The following NAV2 variants were observed in gnomAD, a reference collection of about 807,000 sequenced individuals.
NAV2 encodes helicase, APC down-regulated 1.
A neutral mutation model predicts 223.2 loss-of-function variants in NAV2; 54 were observed. That is an observed-to-expected ratio of 0.24 (90% CI 0.19 to 0.30). The LOEUF is 0.30. Among genes scored for constraint, NAV2 ranks in the 10% least tolerant of loss-of-function variants. The pLI is 1.00. For synonymous variants in NAV2, 1,279 were observed against 1,239.3 expected (o/e 1.03, Z -0.67); for missense variants, 2,806 against 3,147.5 (o/e 0.89, Z 2.60).
chr11:19,703,484 C>T (rs1361684157), intron 1 of NAV2, among the ~76,000 whole-genome samples: 2 of 152,204 alleles, frequency 1.3e-5, no homozygotes, highest in African/African-American at 4.8e-5. Flanking sequence ...CCTGGTGGCC[C>T]TGCAGGAGCA....
intron 1 of NAV2, among the ~76,000 whole-genome samples, chr11:19,689,900 A>G (rs1213101519): frequency 6.6e-6 from 1 of 152,236 alleles, no homozygotes; most frequent in East Asian, 1.9e-4. Context: ...TATGAGAATC[A>G]AACAAATGCT....
At chr11:19,641,419 G>A (rs773624252) in intron 1 of NAV2, among the ~76,000 whole-genome samples, 1 of 152,004 alleles carries the variant, frequency 6.6e-6, no homozygotes, top group African/African-American at 2.4e-5. Context: ...TACTGCAGGA[G>A]ACTCTTAGCT....
chr11:20,080,705 G>T (rs7103409), intron 25 of NAV2, among the ~76,000 whole-genome samples: 80,816 of 152,044 alleles, frequency 0.53, 22,402 homozygotes, highest in South Asian at 0.71. Context: ...AAATAAAAGT[G>T]TCCTAATGTC....
chr11:19,886,009 C>T (rs1273846398), intron 5 of NAV2, among the ~76,000 whole-genome samples: 1 of 152,116 alleles, frequency 6.6e-6, no homozygotes, highest in Admixed American at 6.6e-5. Flanking sequence ...TGATTTTTGT[C>T]CAGTTCTGAT....
intron 26 of NAV2, 57 bp from the exon 27 acceptor site, chr11:20,090,808 T>G (rs2060790086): frequency 1.3e-6 from 2 of 1,560,708 alleles, no homozygotes; most frequent in African/African-American, 2.7e-5. Context: ...TGTGGACCAG[T>G]GTTCAGTAGG....
At chr11:19,373,768 T>C (rs1209070815) in intron 1 of NAV2, among the ~76,000 whole-genome samples, 1 of 152,248 alleles carries the variant, frequency 6.6e-6, no homozygotes, top group African/African-American at 2.4e-5. Flanking sequence ...ATTGTCGCTA[T>C]AGCCCTGAAC....
At chr11:19,765,237 T>C (rs2055103404) in intron 1 of NAV2, among the ~76,000 whole-genome samples, 1 of 152,240 alleles carries the variant, frequency 6.6e-6, no homozygotes, top group Non-Finnish European at 1.5e-5. Flanking sequence ...ATATGAGAGA[T>C]AAGCAAACTT....
At chr11:19,630,743 G>A (rs1397019478) in intron 1 of NAV2, among the ~76,000 whole-genome samples, 2 of 152,006 alleles carry the variant, frequency 1.3e-5, no homozygotes, top group African/African-American at 2.4e-5. Context: ...GGACGTGGTG[G>A]TGCATGCCTA....
In NAV2 at chr11:20,107,680, G is replaced by A. The variant is rs1460034336; in HGVS notation, c.6858G>A (p.Leu2286=). ...GGTCTCCAGGCCCCCGGCTCTTCCT[G>A]TCATGCCCCATCGATGTGGACGGCT... ...SDVTIGPRLF[L]SCPIDVDGSR... Residue 2286 remains leucine, a synonymous_variant, in exon 36 of 38, where the codon CTG becomes CTA. Coordinates refer to ENST00000349880, the MANE Select transcript of NAV2 (RefSeq NM_145117.5). The A allele has an allele frequency of 1.2e-6, 2 of 1,614,010 alleles. No homozygotes were observed. Among genetic ancestry groups the A allele is most frequent in the African/African-American group, 1.3e-5 (1 of 74,920 alleles).
At chr11:19,800,674 T>G (rs940086295) in intron 1 of NAV2, among the ~76,000 whole-genome samples, 40 of 107,996 alleles carry the variant, frequency 3.7e-4, no homozygotes, top group Admixed American at 2.2e-3. Flanking sequence ...GGAGAATGGG[T>G]GTGTGTGTGT....
At chr11:19,632,461 T>C (rs2047374645) in intron 1 of NAV2, among the ~76,000 whole-genome samples, 1 of 152,186 alleles carries the variant, frequency 6.6e-6, no homozygotes, top group Middle Eastern at 3.4e-3. Context: ...TATTCCACAA[T>C]TGCAGACTGT....
At chr11:19,505,459 G>A (rs1364084051) in intron 1 of NAV2, 1 of 152,254 alleles carries the variant, frequency 6.6e-6, no homozygotes, top group Non-Finnish European at 1.5e-5. Context: ...TTAGTCCTGA[G>A]TTTAAAAATC....
chr11:19,554,756 C>T (rs537358857), intron 1 of NAV2, among the ~76,000 whole-genome samples: 29 of 152,132 alleles, frequency 1.9e-4, no homozygotes, highest in African/African-American at 6.7e-4. Context: ...CACCTGAGGT[C>T]GGGAGTTCGA....
chr11:19,421,841 A>G (rs568632491), intron 1 of NAV2, among the ~76,000 whole-genome samples: 1 of 147,932 alleles, frequency 6.8e-6, no homozygotes, highest in East Asian at 2.0e-4. Context: ...CTTATTACAA[A>G]TGAAGGAGCA....
At chr11:19,466,008 T>C (rs893180714) in intron 1 of NAV2, among the ~76,000 whole-genome samples, 1 of 152,262 alleles carries the variant, frequency 6.6e-6, no homozygotes, top group Non-Finnish European at 1.5e-5. Context: ...TCTAGAAATA[T>C]ACATGAATGT....
At chr11:19,361,931 G>A (rs897068749) in intron 1 of NAV2, among the ~76,000 whole-genome samples, 3 of 152,122 alleles carry the variant, frequency 2.0e-5, no homozygotes, top group Non-Finnish European at 2.9e-5. Flanking sequence ...AGAATCCCTA[G>A]GCTCCCATAA....
intron 11 of NAV2, among the ~76,000 whole-genome samples, chr11:20,017,369 T>C (rs1365195273): frequency 2.0e-5 from 3 of 152,188 alleles, no homozygotes; most frequent in Non-Finnish European, 2.9e-5. Flanking sequence ...CCCCTTCGTC[T>C]GGAACACCTG....
intron 1 of NAV2, among the ~76,000 whole-genome samples, chr11:19,741,546 A>T (rs2052806960): frequency 1.6e-5 from 2 of 126,080 alleles, no homozygotes; most frequent in African/African-American, 3.3e-5. Flanking sequence ...ATCATGCGGT[A>T]TTTTTCTTTC....
intron 10 of NAV2, among the ~76,000 whole-genome samples, chr11:19,983,856 C>T (rs138896991): frequency 7.2e-5 from 11 of 152,302 alleles, no homozygotes; most frequent in Non-Finnish European, 1.0e-4. Flanking sequence ...CCCTAGTTCC[C>T]GTCTGCGTCG....
Sources: gnomAD v4.1 joint callset for allele counts (sites outside exome capture counted in the v4.1 genomes callset) on GRCh38, gnomAD v4.1.1 for gene constraint, MANE v1.5 for transcripts, NCBI Gene and HGNC (gene_info 2026-07-23, HGNC 2026-07-21) for gene names.